Variants in DDR2 observed in about 807,000 individuals in gnomAD.
DDR2 encodes the protein discoidin domain-containing receptor 2.
A neutral mutation model predicts 94.9 loss-of-function variants in DDR2; 27 were observed. The ratio of observed to expected loss-of-function variants is 0.28; its 90% CI spans 0.21 to 0.39. DDR2 has a LOEUF of 0.39. DDR2 is among the 10% of genes least tolerant of loss of function. The pLI, the probability that DDR2 is intolerant of heterozygous loss-of-function variation, is 1.00. For missense variants in DDR2, 783 were observed against 1,076.0 expected (o/e 0.73, Z 3.81); for synonymous variants, 382 against 377.2 (o/e 1.01, Z -0.15).
At chr1:162,750,353 GA>G (rs1472053785) in intron 3 of DDR2, among the ~76,000 whole-genome samples, 3 of 152,070 alleles carry the variant, frequency 2.0e-5, no homozygotes, top group African/African-American at 2.4e-5. Flanking sequence ...ACCAATAAGA[GA>G]CAAACAGAGA....
chr1:162,759,824 G>A lies in DDR2; in HGVS notation c.700G>A (p.Asp234Asn), dbSNP rs773580613. 3.1e-6 allele frequency: 5 copies of A among 1,614,104 alleles called. No individual in the cohort carries two copies. The highest frequency in any genetic ancestry group is 3.3e-5 in the Admixed American group (2 of 60,010). ...SMTEGLGQLT[D>N]GVSGLDDFTQ... is the part of the protein sequence containing the mutation. Reference sequence around the variant, plus strand: ...GACAGAAGGGCTAGGCCAATTGACCGATGGTGTGTCTGGCCTGGACGATTT... The same window carrying A: ...GACAGAAGGGCTAGGCCAATTGACCAATGGTGTGTCTGGCCTGGACGATTT... Residue 234 changes from aspartate to asparagine, a missense_variant, in exon 8 of 18, where the codon GAT (aspartate) becomes AAT (asparagine). This residue lies in a region of DDR2 where 519 missense variants were observed against 647.9 expected (regional missense o/e 0.80). Transcript: ENST00000367921.
chr1:162,747,853 C>T (rs190324717), intron 3 of DDR2, among the ~76,000 whole-genome samples: 61 of 152,304 alleles, frequency 4.0e-4, no homozygotes, highest in African/African-American at 1.4e-3. Flanking sequence ...ATTCAACGTT[C>T]TTAAAGAAAA....
At chr1:162,690,007 C>T (rs989283953) in intron 2 of DDR2, among the ~76,000 whole-genome samples, 1 of 131,424 alleles carries the variant, frequency 7.6e-6, no homozygotes, top group African/African-American at 2.9e-5. Flanking sequence ...CAAGGCAAGA[C>T]AATGTCAAAA....
intron 2 of DDR2, among the ~76,000 whole-genome samples, chr1:162,689,866 A>AAAAAAAAAAG (rs1659885078): frequency 6.8e-6 from 1 of 146,194 alleles, no homozygotes; most frequent in Non-Finnish European, 1.5e-5. Context: ...AAAAAAAAAA[A>AAAAAAAAAAG]ATAGCCAGGT....
intron 2 of DDR2, among the ~76,000 whole-genome samples, chr1:162,707,148 A>G (rs1026374235): frequency 6.6e-6 from 1 of 152,090 alleles, no homozygotes; most frequent in Non-Finnish European, 1.5e-5. Flanking sequence ...CTTCAATCTT[A>G]GTGTCTGTAT....
intron 2 of DDR2, among the ~76,000 whole-genome samples, chr1:162,716,736 T>C (rs1309991099): frequency 1.3e-5 from 2 of 151,866 alleles, no homozygotes; most frequent in Admixed American, 6.6e-5. Flanking sequence ...CCTCTGGGTG[T>C]GTCAGTATTA....
chr1:162,744,257 G>A (rs139467983), intron 3 of DDR2, among the ~76,000 whole-genome samples: 8 of 152,252 alleles, frequency 5.3e-5, no homozygotes, highest in African/African-American at 1.7e-4. Flanking sequence ...TCTCTAGAAC[G>A]TATTAATCTT....
At chr1:162,760,826 C>G (rs754596161) in intron 8 of DDR2, among the ~76,000 whole-genome samples, 2 of 151,950 alleles carry the variant, frequency 1.3e-5, no homozygotes, top group Non-Finnish European at 2.9e-5. Context: ...TCTTCTCAGC[C>G]CTTCCTTGCC....
chr1:162,759,992 G>T lies in DDR2; in HGVS notation c.855+13G>T, dbSNP rs1016187923. ...CACTACCATGAAGGTCAGTGGGGTCGGGTGTGGTGGAACTTCTTTAAGGAG... is the reference window on the plus strand; with the variant it reads ...CACTACCATGAAGGTCAGTGGGGTCTGGTGTGGTGGAACTTCTTTAAGGAG... On this transcript the variant is annotated intron_variant, in intron 8 of 17. Transcript: ENST00000367921. 1.1e-5 allele frequency: 17 copies of T among 1,613,990 alleles called. No individual in the cohort carries two copies. The highest frequency in any genetic ancestry group is 1.4e-5 in the Non-Finnish European group (16 of 1,179,992).
chr1:162,727,957 A>G (rs1182180423), intron 3 of DDR2, among the ~76,000 whole-genome samples: 1 of 44,436 alleles, frequency 2.3e-5, no homozygotes, highest in Non-Finnish European at 7.5e-5. Context: ...CACACTATAT[A>G]TATCTATATA....
intron 2 of DDR2, among the ~76,000 whole-genome samples, chr1:162,663,414 C>T (rs1658402347): frequency 6.6e-6 from 1 of 152,170 alleles, no homozygotes; most frequent in South Asian, 2.1e-4. Context: ...TCCCCTATCT[C>T]ATGTCAACTC....
chr1:162,644,620 A>G, intron 1 of DDR2, among the ~76,000 whole-genome samples: 1 of 147,878 alleles, frequency 6.8e-6, no homozygotes, highest in East Asian at 2.0e-4. Context: ...TTTTTTTGAG[A>G]CAGAGTCTCG....
intron 2 of DDR2, among the ~76,000 whole-genome samples, chr1:162,715,351 G>A (rs1227159703): frequency 2.0e-5 from 3 of 152,126 alleles, no homozygotes; most frequent in Non-Finnish European, 2.9e-5. Context: ...TGTTTTTAGA[G>A]CATGTAACAA....
chr1:162,735,191 A>G (rs1412199993), intron 3 of DDR2, among the ~76,000 whole-genome samples: 1 of 152,198 alleles, frequency 6.6e-6, no homozygotes, highest in Non-Finnish European at 1.5e-5. Context: ...CTCCAGGCAG[A>G]GGTTGACTCA....
At position 162,780,363 on chromosome 1, in the gene DDR2, G is replaced by C. The variant is rs925329794; in HGVS notation, c.*117G>C. ...TAATGAAACTGAGAGACAGAGGCTT[G>C]TTTGCTTTGCCCTCTTTTCCTGGTC... On this transcript the variant is annotated 3_prime_UTR_variant, in exon 18 of 18. Coordinates refer to ENST00000367921, the MANE Select transcript of DDR2 (RefSeq NM_006182.4). 6.7e-7 allele frequency: 1 copy of C among 1,496,544 alleles called. No individual in the cohort carries two copies. Among genetic ancestry groups the C allele is most frequent in the East Asian group, 2.4e-5 (1 of 41,376 alleles). 92.7% of individuals were successfully genotyped at this position (1,496,544 alleles called of 1,614,324 possible).
chr1:162,763,362 T>TGCA (rs1663839800), intron 9 of DDR2, among the ~76,000 whole-genome samples: 2 of 72,172 alleles, frequency 2.8e-5, no homozygotes, highest in East Asian at 3.8e-4. Context: ...TTTTTTTTTT[T>TGCA]TTTTTTTTGC....
At position 162,674,554 on chromosome 1, in the gene DDR2, A is replaced by C. The variant is rs533229020; in HGVS notation, c.-28+19180A>C. Among the ~76,000 whole-genome samples, 12 of 152,360 alleles carry C rather than the reference A, an allele frequency of 7.9e-5. No individual in the cohort carries two copies. In the East Asian group the frequency reaches 1.5e-3, roughly 20 times the overall value. On this transcript the variant is annotated intron_variant, in intron 2 of 17. Coordinates refer to ENST00000367921, the MANE Select transcript of DDR2 (RefSeq NM_006182.4). ...GCAGGATTAACCTGCTTTCATAAGTAATCAGTGAACCTGGTAAAGTGTGAC... is the reference window on the plus strand; with the variant it reads ...GCAGGATTAACCTGCTTTCATAAGTCATCAGTGAACCTGGTAAAGTGTGAC...
At chr1:162,694,126 TG>T (rs1414938256) in intron 2 of DDR2, among the ~76,000 whole-genome samples, 2 of 152,154 alleles carry the variant, frequency 1.3e-5, no homozygotes, top group Non-Finnish European at 2.9e-5. Flanking sequence ...TCCCCTCCAT[TG>T]TTGCCTATTT....
intron 2 of DDR2, among the ~76,000 whole-genome samples, chr1:162,695,239 C>G (rs1195470188): frequency 6.6e-6 from 1 of 151,958 alleles, no homozygotes; most frequent in South Asian, 2.1e-4. Context: ...GCTCTTTTTT[C>G]TTTTTTTGTT....
Sources: gnomAD v4.1 joint callset for allele counts (sites outside exome capture counted in the v4.1 genomes callset) on GRCh38, gnomAD v4.1.1 for gene constraint, gnomAD v4.1.1 regional missense constraint, MANE v1.5 for transcripts, NCBI Gene and HGNC (gene_info 2026-07-23, HGNC 2026-07-21) for gene names.